Variants in RILPL2 observed in about 807,000 individuals in gnomAD.
RILPL2 encodes RILP-like protein 2.
A neutral mutation model predicts 22.2 loss-of-function variants in RILPL2; 19 were observed. The observed-to-expected ratio is 0.86, with a 90% CI of 0.60 to 1.25. RILPL2 has a LOEUF of 1.25. RILPL2 is among the 50% of genes most tolerant of loss of function. The pLI, the probability that RILPL2 is intolerant of heterozygous loss-of-function variation, is 0.00. For synonymous variants in RILPL2, 123 were observed against 111.6 expected (o/e 1.10, Z -0.64); for missense variants, 243 against 263.6 (o/e 0.92, Z 0.54).
intron 2 of RILPL2, among the ~76,000 whole-genome samples, chr12:123,425,465 C>T (rs2139242713): frequency 6.6e-6 from 1 of 152,098 alleles, no homozygotes; most frequent in African/African-American, 2.4e-5. Context: ...AGGTGTGAGC[C>T]ATCGTGCCTG....
intron 1 of RILPL2, among the ~76,000 whole-genome samples, chr12:123,435,053 G>A (rs1040452686): frequency 2.6e-5 from 4 of 151,548 alleles, no homozygotes; most frequent in African/African-American, 4.9e-5. Context: ...GGTGGCACAC[G>A]CTTGCAATCC....
At chr12:123,422,073 G>A (rs539896779) in intron 3 of RILPL2, among the ~76,000 whole-genome samples, 61 of 147,748 alleles carry the variant, frequency 4.1e-4, no homozygotes, top group African/African-American at 1.5e-3. Flanking sequence ...CGTGATAATA[G>A]TGATAATAGT....
At chr12:123,409,529 T>A in the RILPL2 span, among the ~76,000 whole-genome samples, 30 of 151,284 alleles carry the variant, frequency 2.0e-4, no homozygotes, top group Non-Finnish European at 1.0e-4. Context: ...CCATAGGGTA[T>A]GTGAAGATTA....
the RILPL2 span, among the ~76,000 whole-genome samples, chr12:123,410,010 G>A: frequency 6.6e-6 from 1 of 152,046 alleles, no homozygotes; most frequent in Non-Finnish European, 1.5e-5. Context: ...ACAGGCGTGA[G>A]CCACTGCACC....
intron 1 of RILPL2, among the ~76,000 whole-genome samples, chr12:123,435,179 CAA>C (rs554479178): frequency 5.1e-4 from 72 of 140,492 alleles, no homozygotes; most frequent in African/African-American, 1.7e-3. Flanking sequence ...GATTCTGACT[CAA>C]AAAAAAAAAA....
intron 3 of RILPL2, among the ~76,000 whole-genome samples, chr12:123,420,706 G>A (rs1188171441): frequency 7.2e-5 from 11 of 152,048 alleles, no homozygotes; most frequent in African/African-American, 2.7e-4. Flanking sequence ...CGAAGTGCTG[G>A]GTTTACAGGC....
rs1593489825 is a variant in RILPL2 at position 123,422,903 on chromosome 12, G to T, written c.605+141C>A. ...TATCATTATAATACACTGGCATTGAGTTTTCCCATGGGCTGCAGCACCACA... is the reference window on the plus strand; with the variant it reads ...TATCATTATAATACACTGGCATTGATTTTTCCCATGGGCTGCAGCACCACA... On this transcript the variant is annotated intron_variant, in intron 3 of 3. Transcript: ENST00000280571. The T allele has an allele frequency of 1.4e-5, 9 of 639,974 alleles. No homozygotes were observed. In the East Asian group the frequency reaches 2.1e-4, roughly 15 times the overall value. 39.6% of individuals were successfully genotyped at this position (639,974 alleles called of 1,614,324 possible).
At position 123,425,654 on chromosome 12, in the gene RILPL2, CT is replaced by C. The variant is rs531039648; in HGVS notation, c.492-2498del. 7.9e-3 allele frequency among the ~76,000 whole-genome samples: 1,112 copies of C among 141,560 alleles called. 13 individuals are homozygous for C. Among genetic ancestry groups the C allele is most frequent in the African/African-American group, 0.023 (904 of 38,474 alleles). The allele number at this position is 141,560 out of a possible 152,430, so 92.9% of individuals were successfully genotyped here. ...GCAAAGAGTGGGCTCTTAATATCTA[CT>C]TTTTTTTTTTTTTTGAGACAGAGTC... On this transcript the variant is annotated intron_variant, in intron 2 of 3. Coordinates refer to ENST00000280571, the MANE Select transcript of RILPL2 (RefSeq NM_145058.3).
intron 2 of RILPL2, among the ~76,000 whole-genome samples, chr12:123,430,152 G>C (rs1431766876): frequency 7.4e-6 from 1 of 134,720 alleles, no homozygotes; most frequent in Non-Finnish European, 1.5e-5. Context: ...GCTCATGCCT[G>C]TAATCCCGGC....
At chr12:123,423,813 C>T (rs1879359336) in intron 2 of RILPL2, among the ~76,000 whole-genome samples, 1 of 151,962 alleles carries the variant, frequency 6.6e-6, no homozygotes, top group African/African-American at 2.4e-5. Context: ...GCCACCACAC[C>T]CGGCTCATTT....
At chr12:123,418,756 CTTTTTT>C (rs1202023726) in intron 3 of RILPL2, among the ~76,000 whole-genome samples, 48 of 96,250 alleles carry the variant, frequency 5.0e-4, no homozygotes, top group African/African-American at 1.5e-3. Flanking sequence ...CTTTTTCTTT[CTTTTTT>C]TTTTTTTTTT....
chr12:123,435,936 T>C (rs1879780458), intron 1 of RILPL2, 146 bp downstream of exon 1: 1 of 1,234,212 alleles, frequency 8.1e-7, no homozygotes, highest in African/African-American at 1.5e-5. Flanking sequence ...GAGACCAGCC[T>C]GGGCAACACA....
downstream of RILPL2, chr12:123,413,494 T>C (rs373493658): frequency 3.1e-4 from 48 of 154,182 alleles, no homozygotes; most frequent in South Asian, 2.8e-3. Context: ...TCGTTCCTCC[T>C]GGTGGGCTCC....
chr12:123,430,080 G>A (rs1029108917), intron 2 of RILPL2, among the ~76,000 whole-genome samples: 18 of 132,162 alleles, frequency 1.4e-4, no homozygotes, highest in African/African-American at 5.2e-4. Flanking sequence ...CGCACCACTG[G>A]GCGACAGGGT....
intron 2 of RILPL2, among the ~76,000 whole-genome samples, chr12:123,429,606 T>C (rs1879554268): frequency 6.6e-6 from 1 of 151,666 alleles, no homozygotes; most frequent in Non-Finnish European, 1.5e-5. Context: ...TTTATTTTGT[T>C]TTGTTTCGTT....
intron 2 of RILPL2, among the ~76,000 whole-genome samples, chr12:123,426,338 G>T (rs1478265013): frequency 6.6e-6 from 1 of 151,658 alleles, no homozygotes; most frequent in Non-Finnish European, 1.5e-5. Context: ...TAGTATTGAC[G>T]GAGTTTTGCC....
downstream of RILPL2, chr12:123,410,868 T>C (rs920576856): frequency 2.6e-5 from 4 of 152,134 alleles, no homozygotes; most frequent in Non-Finnish European, 5.9e-5. Flanking sequence ...AGTTCTGATA[T>C]GTAGTTGCTA....
chr12:123,436,296 T>C lies in RILPL2; in HGVS notation c.125A>G (p.Tyr42Cys). ...GCGGCCCAACAGGTAGGAGATGTCA[T>C]ACACGTCCTCGGCGGTCAGCTGGAA... Reference protein sequence around the residue: ...SPFQLTAEDVYDISYLLGREL... With the variant: ...SPFQLTAEDVCDISYLLGREL... The change falls in exon 1 of 4, where the codon TAT becomes TGT. Residue 42 changes from tyrosine to cysteine, a missense_variant. Transcript: ENST00000280571. The surrounding 1 kb of genome is among the most constrained non-coding windows in gnomAD (Gnocchi z 6.7). 1 of 1,600,872 alleles carries C rather than the reference T, an allele frequency of 6.2e-7. No homozygotes were observed. The highest frequency in any genetic ancestry group is 8.5e-7 in the Non-Finnish European group (1 of 1,174,128).
At chr12:123,430,367 C>T (rs1319599357) in intron 2 of RILPL2, 141 bp downstream of exon 2, 2 of 676,786 alleles carry the variant, frequency 3.0e-6, no homozygotes, top group Admixed American at 3.0e-5. Flanking sequence ...CGAGATCGCG[C>T]CACTGCACTC....
Sources: allele counts gnomAD v4.1 joint callset (sites outside exome capture counted in the v4.1 genomes callset), GRCh38; gene constraint gnomAD v4.1.1; non-coding constraint Gnocchi (gnomAD v3.1); transcripts MANE v1.5; gene names NCBI Gene and HGNC (gene_info 2026-07-23, HGNC 2026-07-21).